Variants in IQCH observed in about 807,000 individuals in gnomAD.
The protein encoded by IQCH is IQ motif containing H.
IQCH carries 98 observed loss-of-function variants against 117.0 expected under a neutral mutation model. That is an observed-to-expected ratio of 0.84 (90% CI 0.71 to 0.99). The LOEUF (loss-of-function observed/expected upper bound fraction) is 0.99, where lower values mean the gene tolerates loss of function less well. Among genes scored for constraint, IQCH ranks in the 50% least tolerant of loss-of-function variants. The probability of loss-of-function intolerance (pLI) is 0.00; values close to 1 mark genes in which losing one functional copy is unlikely to be tolerated. For missense variants in IQCH, 1,102 were observed against 1,243.8 expected, an observed-to-expected ratio of 0.89 and a Z score of 1.72; for synonymous variants, 412 against 448.2, an observed-to-expected ratio of 0.92 and a Z score of 1.02.
chr15:67,317,673 C>T (rs1967913019), intron 4 of IQCH, among the ~76,000 whole-genome samples: 1 of 152,178 alleles, frequency 6.6e-6, no homozygotes, highest in African/African-American at 2.4e-5. Flanking sequence ...AGGCAAGAGC[C>T]ATATTTTTTT....
At position 67,359,874 on chromosome 15, in the gene IQCH, C is replaced by T. The variant is rs754710669; in HGVS notation, c.742C>T (p.His248Tyr). 6.3e-7 allele frequency: 1 copy of T among 1,591,822 alleles called. No homozygotes were observed. The highest frequency in any genetic ancestry group is 1.1e-5 in the South Asian group (1 of 90,702). ...KGKSRRSRGH[H>Y]DRKAMKVKTP... ...GAAAAGCAGAAGGTCAAGAGGACAT[C>T]ATGATAGGAAGGTCTGTAATTTGTG... Residue 248 changes from histidine (H) to tyrosine (Y), a missense_variant, in exon 8 of 21, where the codon CAT becomes TAT. Physicochemically the swap from His to Tyr is moderately conservative, Grantham distance 83. Transcript: ENST00000335894. This position sits in a 1 kb window ranked among gnomAD's most constrained non-coding sequence, Gnocchi z 4.5.
chr15:67,340,456 A>AC, intron 5 of IQCH, among the ~76,000 whole-genome samples: 1 of 146,886 alleles, frequency 6.8e-6, no homozygotes, highest in Admixed American at 6.8e-5. Flanking sequence ...AAAAAAAAAA[A>AC]AAAAAAAACA....
At chr15:67,287,404 T>TTCCAGCAAAC (rs1966603785) in intron 4 of IQCH, among the ~76,000 whole-genome samples, 1 of 152,192 alleles carries the variant, frequency 6.6e-6, no homozygotes, top group East Asian at 1.9e-4. Context: ...GGTACTGGGC[T>TTCCAGCAAAC]TTTCTTTGCT....
chr15:67,302,858 A>AAAC lies in IQCH; in HGVS notation c.387+23367_387+23369dup, dbSNP rs60730280. Among the ~76,000 whole-genome samples the AAAC allele has an allele frequency of 9.7e-3, 1,475 of 152,210 alleles. 21 individuals are homozygous for AAAC. Among genetic ancestry groups the AAAC allele is most frequent in the African/African-American group, 0.032 (1,322 of 41,540 alleles). Reference sequence around the variant, plus strand: ...GGTGACAGAGCGAGACTCCGTCTCAAAACAACAACAACAACAACAACAAAA... The same window carrying AAAC: ...GGTGACAGAGCGAGACTCCGTCTCAAAACAACAACAACAACAACAACAACAAAA... On this transcript the variant is annotated intron_variant, in intron 4 of 20. Transcript: ENST00000335894.
chr15:67,309,142 A>G (rs1305668479), intron 4 of IQCH, among the ~76,000 whole-genome samples: 1 of 152,120 alleles, frequency 6.6e-6, no homozygotes, highest in East Asian at 1.9e-4. Flanking sequence ...ATAGGATTGT[A>G]TTGAGTTTTT....
rs1204290912 is a variant in IQCH at position 67,369,528 on chromosome 15, A to G, written c.754-2583A>G. Among the ~76,000 whole-genome samples the G allele has an allele frequency of 6.6e-6, 1 of 151,708 alleles. No homozygotes were observed. Among genetic ancestry groups the G allele is most frequent in the Non-Finnish European group, 1.5e-5 (1 of 67,898 alleles). On this transcript the variant is annotated intron_variant, in intron 8 of 20. Coordinates refer to ENST00000335894, the MANE Select transcript of IQCH (RefSeq NM_001031715.3). The surrounding 1 kb of genome is among the most constrained non-coding windows in gnomAD (Gnocchi z 5.2). ...AGAGAAAGAAGAGAGGGAAGGGGAA[A>G]GAAGGGAAGGAGGGAGGGAGGAAGG... is the stretch of plus-strand genomic sequence containing the variant.
chr15:67,439,554 A>G (rs1242965519), intron 16 of IQCH, among the ~76,000 whole-genome samples: 4 of 152,146 alleles, frequency 2.6e-5, no homozygotes, highest in Non-Finnish European at 5.9e-5. Flanking sequence ...CCAAGATCAG[A>G]GCAGAACTAC....
intron 6 of IQCH, among the ~76,000 whole-genome samples, chr15:67,357,010 ATCT>A (rs907233887): frequency 6.6e-6 from 1 of 152,226 alleles, no homozygotes; most frequent in Non-Finnish European, 1.5e-5. Flanking sequence ...ATTTAAAGAA[ATCT>A]TCTAACAAAG....
intron 4 of IQCH, among the ~76,000 whole-genome samples, chr15:67,317,839 A>G (rs1369385137): frequency 6.6e-6 from 1 of 152,092 alleles, no homozygotes; most frequent in Non-Finnish European, 1.5e-5. Flanking sequence ...TTTCATGGGC[A>G]TGGTTTTGAG....
At chr15:67,287,049 A>C (rs544360205) in intron 4 of IQCH, among the ~76,000 whole-genome samples, 5 of 152,148 alleles carry the variant, frequency 3.3e-5, no homozygotes, top group Non-Finnish European at 7.4e-5. Flanking sequence ...TTTGTCCTCT[A>C]TTCTGTTGAT....
At chr15:67,371,213 T>G (rs779257207) in intron 8 of IQCH, among the ~76,000 whole-genome samples, 1 of 152,132 alleles carries the variant, frequency 6.6e-6, no homozygotes, top group African/African-American at 2.4e-5. Context: ...TCAGGAACAT[T>G]TAGATCTTGG....
chr15:67,336,851 G>C (rs1415978393), intron 4 of IQCH, 124 bp from the exon 5 acceptor site: 7 of 841,844 alleles, frequency 8.3e-6, no homozygotes, highest in Non-Finnish European at 1.1e-5. Context: ...TAAAATTGGA[G>C]CTGATATTGC....
chr15:67,373,513 G>T (rs1970631507), intron 10 of IQCH, 80 bp downstream of exon 10: 3 of 950,646 alleles, frequency 3.2e-6, no homozygotes, highest in Non-Finnish European at 5.2e-6. Flanking sequence ...GTTCAAGGAA[G>T]GCCCCTTGTT....
intron 4 of IQCH, among the ~76,000 whole-genome samples, chr15:67,292,392 G>A (rs1966781204): frequency 6.6e-6 from 1 of 151,896 alleles, no homozygotes; most frequent in African/African-American, 2.4e-5. Context: ...GCTGAGACTG[G>A]GACTAGAGCT....
chr15:67,426,651 T>G lies in IQCH; in HGVS notation c.2505+5074T>G, dbSNP rs2081898862. Reference sequence around the variant, plus strand: ...TAAAAATGAAAAGCTAAATAGAACTTGGAACATAGTAACTGTGTATATTTA... The same window carrying G: ...TAAAAATGAAAAGCTAAATAGAACTGGGAACATAGTAACTGTGTATATTTA... On this transcript the variant is annotated intron_variant, in intron 16 of 20. Coordinates refer to ENST00000335894, the MANE Select transcript of IQCH (RefSeq NM_001031715.3). This position sits in a 1 kb window ranked among gnomAD's most constrained non-coding sequence, Gnocchi z 5.1. Among the ~76,000 whole-genome samples the G allele has an allele frequency of 6.6e-6, 1 of 151,766 alleles. No homozygotes were observed. Among genetic ancestry groups the G allele is most frequent in the Non-Finnish European group, 1.5e-5 (1 of 67,914 alleles).
At chr15:67,294,896 CT>C (rs1966843218) in intron 4 of IQCH, among the ~76,000 whole-genome samples, 1 of 152,320 alleles carries the variant, frequency 6.6e-6, no homozygotes, top group Non-Finnish European at 1.5e-5. Context: ...AAACACAAGT[CT>C]GGTTAAACCT....
At chr15:67,300,774 T>C (rs1966986865) in intron 4 of IQCH, among the ~76,000 whole-genome samples, 1 of 152,206 alleles carries the variant, frequency 6.6e-6, no homozygotes, top group African/African-American at 2.4e-5. Context: ...CACTGCCTAG[T>C]GTTTTTAATT....
chr15:67,339,684 A>C (rs1447259500), intron 5 of IQCH, among the ~76,000 whole-genome samples: 1 of 152,208 alleles, frequency 6.6e-6, no homozygotes, highest in Admixed American at 6.5e-5. Context: ...ACTTAAAAAA[A>C]TTCTTACAAT....
rs79613344 is a variant in IQCH at position 67,457,033 on chromosome 15, C to T, written c.2506-8094C>T. On this transcript the variant is annotated intron_variant, in intron 16 of 20. Transcript: ENST00000335894. This position sits in a 1 kb window ranked among gnomAD's most constrained non-coding sequence, Gnocchi z 5.7. ...GGCCTCTAAGCTGAAAACCAAGAGG[C>T]TCAATTGCTGACCGGGGTGACTGCC... 5.5e-3 allele frequency among the ~76,000 whole-genome samples: 835 copies of T among 152,234 alleles called. 5 individuals carry two copies. Among genetic ancestry groups the T allele is most frequent in the African/African-American group, 0.019 (801 of 41,542 alleles).
Sources: allele counts gnomAD v4.1 joint callset (sites outside exome capture counted in the v4.1 genomes callset), GRCh38; gene constraint gnomAD v4.1.1; non-coding constraint Gnocchi (gnomAD v3.1); transcripts MANE v1.5; gene names NCBI Gene and HGNC (gene_info 2026-07-23, HGNC 2026-07-21).